USP31: variants seen among roughly 807,000 people sequenced by gnomAD.
USP31 encodes ubiquitin specific peptidase 31.
USP31 carries 44 observed loss-of-function variants against 119.4 expected under a neutral mutation model. The observed-to-expected ratio is 0.37, with a 90% confidence interval of 0.29 to 0.47. The LOEUF (loss-of-function observed/expected upper bound fraction) is 0.47. Among genes scored for constraint, USP31 ranks in the 20% least tolerant of loss-of-function variants. The pLI, the probability that USP31 is intolerant of heterozygous loss-of-function variation, is 0.99. For missense variants in USP31, 1,643 were observed against 1,730.2 expected, an observed-to-expected ratio of 0.95 and a Z score of 0.89; for synonymous variants, 749 against 705.6, an observed-to-expected ratio of 1.06 and a Z score of -0.97.
chr16:23,107,111 T>C (rs541436242), intron 2 of USP31, among the ~76,000 whole-genome samples: 1 of 143,026 alleles, frequency 7.0e-6, no homozygotes, highest in East Asian at 2.0e-4. Flanking sequence ...AAAGTCCGTC[T>C]CAAAAAAAAA....
At chr16:23,093,309 A>G (rs533497235) in intron 6 of USP31, among the ~76,000 whole-genome samples, 1 of 152,340 alleles carries the variant, frequency 6.6e-6, no homozygotes, top group South Asian at 2.1e-4. Flanking sequence ...CCTTACAAAG[A>G]ATTCTTACAA....
At chr16:23,145,212 T>C (rs1399024544) in intron 1 of USP31, among the ~76,000 whole-genome samples, 1 of 152,208 alleles carries the variant, frequency 6.6e-6, no homozygotes, top group East Asian at 1.9e-4. Context: ...ATGCCTGCTA[T>C]ACACAGGATG....
chr16:23,108,316 T>G, intron 1 of USP31, 133 bp from the exon 2 acceptor site: 1 of 1,221,750 alleles, frequency 8.2e-7, no homozygotes. Context: ...GAGTGCAAAG[T>G]AAAAACAGAT....
At chr16:23,102,111 A>C (rs1002928666) in intron 6 of USP31, among the ~76,000 whole-genome samples, 1 of 152,106 alleles carries the variant, frequency 6.6e-6, no homozygotes, top group African/African-American at 2.4e-5. Flanking sequence ...AACTATGGAT[A>C]TATCTTTGCC....
Position 23,105,425 on chromosome 16 carries a change from T to G in USP31, c.1089+16A>C. 1 of 1,592,742 alleles carries G rather than the reference T, an allele frequency of 6.3e-7. No homozygotes were observed. The highest frequency in any genetic ancestry group is 8.6e-7 in the Non-Finnish European group (1 of 1,169,172). On this transcript the variant is annotated intron_variant, in intron 5 of 15. Transcript: ENST00000219689. ...TTTTGTGGCTCATGTGTAACTGGTC[T>G]TAGCAGACTTATTACCTGATCAGTG... is the stretch of plus-strand genomic sequence containing the variant.
chr16:23,073,628 C>T, intron 14 of USP31, 94 bp downstream of exon 14: 1 of 1,420,624 alleles, frequency 7.0e-7, no homozygotes, highest in Non-Finnish European at 9.5e-7. Context: ...ATCAAACTGA[C>T]AGAGTCATGA....
chr16:23,072,290 C>T, intron 14 of USP31, 93 bp from the exon 15 acceptor site: 1 of 1,524,392 alleles, frequency 6.6e-7, no homozygotes, highest in Non-Finnish European at 8.8e-7. Flanking sequence ...ACGAGCTGAG[C>T]TGGGGGGCGT....
At position 23,093,515 on chromosome 16, in the gene USP31, C is replaced by A. The variant is rs143156448; in HGVS notation, c.1235-2711G>T. Among the ~76,000 whole-genome samples, 924 of 152,170 alleles carry A rather than the reference C, an allele frequency of 6.1e-3. 7 individuals carry two copies. The highest frequency in any genetic ancestry group is 0.021 in the African/African-American group (871 of 41,518). ...TCACATTCACCAGGATGGCTAAAAT[C>A]AAAAAGATGAAAAATAAATGTTGGC... On this transcript the variant is annotated intron_variant, in intron 6 of 15. Coordinates refer to ENST00000219689, the MANE Select transcript of USP31 (RefSeq NM_020718.4).
intron 13 of USP31, among the ~76,000 whole-genome samples, chr16:23,074,672 A>C (rs939857440): frequency 1.7e-4 from 26 of 152,204 alleles, no homozygotes; most frequent in Non-Finnish European, 3.4e-4. Flanking sequence ...GCTCCATGGA[A>C]GTTCCCTGGC....
chr16:23,069,313 C>T lies in USP31; in HGVS notation c.2792G>A (p.Arg931His), dbSNP rs10083789. ...SYQEPSDSHS[R>H]REHKAVGRAP... ...CCGGCCCACAGCCTTGTGCTCACGG[C>T]GACTATGACTGTCGCTTGGTTCCTG... Residue 931 changes from arginine (R) to histidine (H), a missense_variant, in exon 16 of 16, where the codon CGC becomes CAC. Arg to His is a conservative substitution (Grantham distance 29). Coordinates refer to ENST00000219689, the MANE Select transcript of USP31 (RefSeq NM_020718.4). 20 of 1,604,896 alleles carry T rather than the reference C, an allele frequency of 1.2e-5. No homozygotes were observed. The highest frequency in any genetic ancestry group is 4.5e-5 in the East Asian group (2 of 44,764).
chr16:23,141,502 G>A (rs529056233), intron 1 of USP31, among the ~76,000 whole-genome samples: 6 of 151,562 alleles, frequency 4.0e-5, no homozygotes, highest in African/African-American at 1.5e-4. Context: ...CTCAGCCTCC[G>A]AAGTAGCTGG....
At chr16:23,081,359 C>T (rs1244584852) in intron 12 of USP31, among the ~76,000 whole-genome samples, 1 of 152,192 alleles carries the variant, frequency 6.6e-6, no homozygotes. Context: ...AATGCCCACT[C>T]TTCACTCCCA....
intron 12 of USP31, 134 bp downstream of exon 12, chr16:23,082,304 G>A (rs1900865199): frequency 1.7e-6 from 2 of 1,175,772 alleles, no homozygotes; most frequent in Non-Finnish European, 2.3e-6. Flanking sequence ...GGGCAAAAGT[G>A]TGTCTATAAC....
At chr16:23,126,410 G>A (rs1188515869) in intron 1 of USP31, among the ~76,000 whole-genome samples, 2 of 150,214 alleles carry the variant, frequency 1.3e-5, no homozygotes, top group East Asian at 3.9e-4. Context: ...GGATCACAAG[G>A]TCAGGAGATG....
intron 1 of USP31, among the ~76,000 whole-genome samples, chr16:23,134,072 GTCTC>G (rs760529003): frequency 1.4e-5 from 2 of 140,154 alleles, no homozygotes; most frequent in African/African-American, 2.8e-5. Flanking sequence ...GTGAGACCCT[GTCTC>G]TCTCTCTCTC....
intron 6 of USP31, among the ~76,000 whole-genome samples, chr16:23,100,390 A>C (rs1025334535): frequency 1.3e-5 from 2 of 152,236 alleles, no homozygotes; most frequent in African/African-American, 4.8e-5. Context: ...TGAAAACATC[A>C]CACTAAGTAA....
intron 1 of USP31, among the ~76,000 whole-genome samples, chr16:23,141,684 AT>A (rs1200575669): frequency 6.6e-6 from 1 of 152,108 alleles, no homozygotes; most frequent in Non-Finnish European, 1.5e-5. Flanking sequence ...GCCTACTGTA[AT>A]TTTTAATTTC....
chr16:23,111,168 AAGAC>A (rs1416394983), intron 1 of USP31, among the ~76,000 whole-genome samples: 5 of 152,140 alleles, frequency 3.3e-5, no homozygotes, highest in South Asian at 2.1e-4. Flanking sequence ...AAAAATAAAA[AAGAC>A]AGAAAGCAGG....
rs1900050125 is a variant in USP31 at position 23,065,961 on chromosome 16, A to AT, written c.*2084dup. 1 of 152,214 alleles carries AT rather than the reference A, an allele frequency of 6.6e-6. No homozygotes were observed. The highest frequency in any genetic ancestry group is 6.5e-5 in the Admixed American group (1 of 15,284). 9.4% of individuals were successfully genotyped at this position (152,214 alleles called of 1,614,324 possible). ...CAATTCCTGATATAGATGATCTCTTATTTGGTGCATCTTTTTCAGGAGATA... is the reference window on the plus strand; with the variant it reads ...CAATTCCTGATATAGATGATCTCTTATTTTGGTGCATCTTTTTCAGGAGATA... On this transcript the variant is annotated 3_prime_UTR_variant, in exon 16 of 16. Transcript: ENST00000219689.
Sources: allele counts gnomAD v4.1 joint callset (sites outside exome capture counted in the v4.1 genomes callset), GRCh38; gene constraint gnomAD v4.1.1; transcripts MANE v1.5; gene names NCBI Gene and HGNC (gene_info 2026-07-23, HGNC 2026-07-21).